Variants in DTNA observed in about 807,000 individuals in gnomAD.
DTNA encodes dystrobrevin alpha.
DTNA carries 43 observed loss-of-function variants against 100.7 expected under a neutral mutation model. The ratio of observed to expected loss-of-function variants is 0.43; its 90% CI spans 0.33 to 0.55. The LOEUF is 0.55. Ranked by LOEUF, DTNA falls within the 20% of genes least tolerant of loss-of-function variation. DTNA has a pLI of 0.04. For missense variants in DTNA, 798 were observed against 953.9 expected (o/e 0.84, Z 2.15); for synonymous variants, 349 against 347.9 (o/e 1.00, Z -0.04).
At chr18:34,713,934 A>T (rs142569994) in intron 1 of DTNA, among the ~76,000 whole-genome samples, 2 of 152,130 alleles carry the variant, frequency 1.3e-5, no homozygotes, top group Admixed American at 1.3e-4. Context: ...TTGTTGGTGT[A>T]TAAGAATGCT....
chr18:34,505,090 C>T (rs919073768), intron 1 of DTNA, among the ~76,000 whole-genome samples: 2 of 152,176 alleles, frequency 1.3e-5, no homozygotes, highest in African/African-American at 4.8e-5. Context: ...GGCCAGAACT[C>T]AAAAATCAGT....
chr18:34,718,780 A>C (rs1437914132), intron 1 of DTNA, among the ~76,000 whole-genome samples: 2 of 152,220 alleles, frequency 1.3e-5, no homozygotes, highest in East Asian at 3.9e-4. Flanking sequence ...ACTACAAGCC[A>C]GAGTGAGTGA....
chr18:34,535,444 C>T (rs2043603222), intron 1 of DTNA, among the ~76,000 whole-genome samples: 1 of 152,016 alleles, frequency 6.6e-6, no homozygotes, highest in African/African-American at 2.4e-5. Context: ...CTGTAGGCTG[C>T]TTGTACCCTC....
intron 22 of DTNA, among the ~76,000 whole-genome samples, chr18:34,886,765 A>G (rs1053026932): frequency 6.6e-6 from 1 of 152,206 alleles, no homozygotes; most frequent in African/African-American, 2.4e-5. Context: ...ACTCTGAACA[A>G]GAACCAGCCT....
intron 1 of DTNA, among the ~76,000 whole-genome samples, chr18:34,748,545 A>G (rs948387218): frequency 2.0e-5 from 3 of 152,130 alleles, no homozygotes; most frequent in Non-Finnish European, 4.4e-5. Flanking sequence ...TTTTTCCAAC[A>G]CCACTTATTA....
chr18:34,622,277 C>A (rs1183436450), intron 1 of DTNA, among the ~76,000 whole-genome samples: 2 of 152,098 alleles, frequency 1.3e-5, no homozygotes, highest in Non-Finnish European at 2.9e-5. Context: ...GTCAGTTAAA[C>A]CCTAGTAAAG....
At chr18:34,560,891 C>T (rs566754233) in intron 1 of DTNA, among the ~76,000 whole-genome samples, 2 of 152,260 alleles carry the variant, frequency 1.3e-5, no homozygotes, top group African/African-American at 4.8e-5. Flanking sequence ...CACTGCACTC[C>T]AGCCTGGGTG....
At chr18:34,771,560 C>G (rs1161702725) in intron 3 of DTNA, among the ~76,000 whole-genome samples, 1 of 152,148 alleles carries the variant, frequency 6.6e-6, no homozygotes, top group East Asian at 1.9e-4. Flanking sequence ...GTTCTCCTTT[C>G]CAAATCGCTT....
At chr18:34,602,166 C>G (rs1403622663) in intron 1 of DTNA, among the ~76,000 whole-genome samples, 1 of 152,046 alleles carries the variant, frequency 6.6e-6, no homozygotes, top group African/African-American at 2.4e-5. Flanking sequence ...TAACTATAAT[C>G]GATAAAACTC....
chr18:34,513,464 C>G lies in DTNA; in HGVS notation c.-2+19950C>G, dbSNP rs547662254. 17 of 152,282 alleles carry G rather than the reference C, an allele frequency of 1.1e-4. No individual in the cohort carries two copies. The East Asian group carries it at 3.1e-3, about 28-fold the overall frequency. 9.4% of individuals were successfully genotyped at this position (152,282 alleles called of 1,614,324 possible). Reference sequence around the variant, plus strand: ...CAATACCTAAAATGTTTCTCTGGCTCTGCCAGATACAAAGCTGATAATTGA... The same window carrying G: ...CAATACCTAAAATGTTTCTCTGGCTGTGCCAGATACAAAGCTGATAATTGA... On this transcript the variant is annotated intron_variant, in intron 1 of 19. Transcript: ENST00000283365.
intron 5 of DTNA, among the ~76,000 whole-genome samples, 188 bp downstream of exon 5, chr18:34,806,492 T>A (rs1258251248): frequency 6.6e-6 from 1 of 152,248 alleles, no homozygotes; most frequent in African/African-American, 2.4e-5. Flanking sequence ...TAAATGCTAA[T>A]GAAATGAATG....
intron 13 of DTNA, among the ~76,000 whole-genome samples, chr18:34,841,370 A>G (rs1169267650): frequency 1.3e-5 from 2 of 152,096 alleles, no homozygotes; most frequent in African/African-American, 2.4e-5. Context: ...ATTTGATTTT[A>G]GCAAATATTT....
chr18:34,565,356 G>A (rs1044044095), intron 1 of DTNA, among the ~76,000 whole-genome samples: 1 of 152,218 alleles, frequency 6.6e-6, no homozygotes, highest in African/African-American at 2.4e-5. Context: ...ATAATAGACA[G>A]TTAAGAATCT....
At chr18:34,500,425 A>ATG (rs980055375) in intron 1 of DTNA, among the ~76,000 whole-genome samples, 9 of 148,870 alleles carry the variant, frequency 6.0e-5, no homozygotes, top group African/African-American at 1.5e-4. Flanking sequence ...TATTAATTCT[A>ATG]TGTGTGTGTG....
At chr18:34,866,225 TGCTTCA>T in intron 17 of DTNA, 1 of 1,611,964 alleles carries the variant, frequency 6.2e-7, no homozygotes, top group Non-Finnish European at 8.5e-7. Flanking sequence ...TGTATGTTCA[TGCTTCA>T]GTTTGGAAAG....
At chr18:34,574,720 C>T (rs1568685849) in intron 1 of DTNA, among the ~76,000 whole-genome samples, 1 of 152,162 alleles carries the variant, frequency 6.6e-6, no homozygotes, top group Admixed American at 6.5e-5. Flanking sequence ...CATCTTCTAA[C>T]TCTTGGGCTC....
At chr18:34,537,564 G>T (rs1367486079) in intron 1 of DTNA, among the ~76,000 whole-genome samples, 1 of 150,708 alleles carries the variant, frequency 6.6e-6, no homozygotes, top group Non-Finnish European at 1.5e-5. Flanking sequence ...TACAAAGAAA[G>T]TTGTAATTAT....
chr18:34,750,825 T>C (rs1259503411), intron 1 of DTNA, among the ~76,000 whole-genome samples: 1 of 152,246 alleles, frequency 6.6e-6, no homozygotes, highest in Non-Finnish European at 1.5e-5. Context: ...GTATTTATTA[T>C]GGATGGTGTT....
At chr18:34,603,838 A>G (rs927567211) in intron 1 of DTNA, among the ~76,000 whole-genome samples, 1 of 152,222 alleles carries the variant, frequency 6.6e-6, no homozygotes, top group Non-Finnish European at 1.5e-5. Context: ...CAACTTCAAC[A>G]TCTTCAACTT....
Sources: allele counts gnomAD v4.1 joint callset (sites outside exome capture counted in the v4.1 genomes callset), GRCh38; gene constraint gnomAD v4.1.1; transcripts MANE v1.5; gene names NCBI Gene and HGNC (gene_info 2026-07-23, HGNC 2026-07-21).